Variants in LOC112694756 observed in about 807,000 individuals in gnomAD.
the LOC112694756 span, chr16:30,058,904 A>C: frequency 2.5e-6 from 1 of 398,382 alleles, no homozygotes. Flanking sequence ...TTGGGGACTC[A>C]GCAGAAACAA....
the LOC112694756 span, among the ~76,000 whole-genome samples, chr16:30,056,105 G>A: frequency 5.0e-5 from 6 of 119,548 alleles, no homozygotes; most frequent in Admixed American, 4.3e-4. Context: ...CCCAGCCATG[G>A]TTTTTTTTTT....
At chr16:30,067,447 C>T in the LOC112694756 span, 1 of 1,613,384 alleles carries the variant, frequency 6.2e-7, no homozygotes, top group Admixed American at 1.7e-5. Context: ...GTGACACTCC[C>T]AGGGAGCATT....
the LOC112694756 span, among the ~76,000 whole-genome samples, chr16:30,056,115 T>TC: frequency 6.8e-6 from 1 of 147,474 alleles, no homozygotes; most frequent in African/African-American, 2.5e-5. Flanking sequence ...GTTTTTTTTT[T>TC]TTTTTTTTTT....
chr16:30,070,373 C>T, the LOC112694756 span: 4 of 677,824 alleles, frequency 5.9e-6, no homozygotes, highest in South Asian at 6.7e-5. Context: ...AGTCCATCAC[C>T]CTTTCCGGCA....
the LOC112694756 span, chr16:30,066,997 C>T: frequency 2.6e-6 from 4 of 1,564,100 alleles, no homozygotes; most frequent in African/African-American, 1.4e-5. Context: ...GCAACTCCAC[C>T]CTCAGCTGGG....
chr16:30,067,568 C>T, the LOC112694756 span: 2 of 1,614,034 alleles, frequency 1.2e-6, no homozygotes, highest in Non-Finnish European at 1.7e-6. Flanking sequence ...TTGGGGGTGT[C>T]ATCCTCTTCC....
chr16:30,058,774 G>T, the LOC112694756 span, among the ~76,000 whole-genome samples: 1 of 151,074 alleles, frequency 6.6e-6, no homozygotes, highest in East Asian at 2.0e-4. Context: ...GAGCCACCAC[G>T]CCTGGCCTGC....
the LOC112694756 span, among the ~76,000 whole-genome samples, chr16:30,057,278 AG>A: frequency 6.6e-6 from 1 of 152,218 alleles, no homozygotes; most frequent in Admixed American, 6.5e-5. Context: ...TAGACACATA[AG>A]GGTTACTGTC....
chr16:30,053,705 G>T, the LOC112694756 span, among the ~76,000 whole-genome samples: 1 of 152,208 alleles, frequency 6.6e-6, no homozygotes, highest in African/African-American at 2.4e-5. Context: ...GCAAGATAAG[G>T]AGTTGACTAA....
At chr16:30,067,367 G>A in the LOC112694756 span, 1 of 1,613,956 alleles carries the variant, frequency 6.2e-7, no homozygotes, top group Non-Finnish European at 8.5e-7. Context: ...GAGTCCACTG[G>A]TGCGGGCAGG....
chr16:30,060,515 A>C, the LOC112694756 span, among the ~76,000 whole-genome samples: 1 of 152,180 alleles, frequency 6.6e-6, no homozygotes, highest in African/African-American at 2.4e-5. Context: ...CTTAAACAGC[A>C]GATTCCTTCC....
the LOC112694756 span, chr16:30,069,976 G>A: frequency 8.7e-6 from 14 of 1,613,896 alleles, no homozygotes; most frequent in South Asian, 2.2e-5. Context: ...GGCCTGGGGC[G>A]GGAAGAAGGA....
chr16:30,065,135 G>A, the LOC112694756 span, among the ~76,000 whole-genome samples: 2 of 152,326 alleles, frequency 1.3e-5, no homozygotes, highest in East Asian at 3.9e-4. Context: ...CCTGGAACTC[G>A]GATGGGGAGG....
At chr16:30,067,219 G>A in the LOC112694756 span, 1 of 1,612,160 alleles carries the variant, frequency 6.2e-7, no homozygotes, top group South Asian at 1.1e-5. Flanking sequence ...CTTCCCCTCT[G>A]TTTCCTGTAT....
chr16:30,060,696 T>G, the LOC112694756 span, among the ~76,000 whole-genome samples: 1 of 152,108 alleles, frequency 6.6e-6, no homozygotes, highest in Non-Finnish European at 1.5e-5. Context: ...AGAATGATGG[T>G]GTGGTCCTTC....
the LOC112694756 span, among the ~76,000 whole-genome samples, chr16:30,059,671 T>G: frequency 6.6e-6 from 1 of 151,234 alleles, no homozygotes; most frequent in Non-Finnish European, 1.5e-5. Context: ...CGAGTGATTC[T>G]CCTGCCTCAG....
chr16:30,064,159 G>A, the LOC112694756 span: 5 of 395,522 alleles, frequency 1.3e-5, no homozygotes, highest in African/African-American at 1.0e-4. Flanking sequence ...CCACACACAA[G>A]TGTTATAGGA....
chr16:30,064,658 G>A, the LOC112694756 span: 1 of 393,450 alleles, frequency 2.5e-6, no homozygotes, highest in Admixed American at 4.4e-5. Flanking sequence ...CGGGAAAAGG[G>A]CAGGGGTCAT....
At chr16:30,067,100 C>T in the LOC112694756 span, 1 of 1,569,336 alleles carries the variant, frequency 6.4e-7, no homozygotes, top group African/African-American at 1.4e-5. Flanking sequence ...ACCAGAAGTG[C>T]CCCAGGGCCT....
Sources: gnomAD v4.1 joint callset for allele counts (sites outside exome capture counted in the v4.1 genomes callset) on GRCh38, gnomAD v4.1.1 for gene constraint, MANE v1.5 for transcripts.